Variants in SOX5 observed in about 807,000 individuals in gnomAD.
SOX5 encodes SRY-box transcription factor 5, also known as transcription factor SOX-5.
A neutral mutation model predicts 92.0 loss-of-function variants in SOX5; 9 were observed. The ratio of observed to expected loss-of-function variants is 0.10; its 90% CI spans 0.06 to 0.17. The LOEUF is 0.17. Among genes scored for constraint, SOX5 ranks in the 10% least tolerant of loss-of-function variants. The pLI is 1.00. For synonymous variants in SOX5, 344 were observed against 336.3 expected (o/e 1.02, Z -0.25); for missense variants, 642 against 944.5 (o/e 0.68, Z 4.20).
chr12:24,206,786 C>T (rs1333663406), intron 4 of SOX5, among the ~76,000 whole-genome samples: 1 of 152,222 alleles, frequency 6.6e-6, no homozygotes, highest in Non-Finnish European at 1.5e-5. Context: ...AACTACCCAG[C>T]AGAAGGTCAC....
intron 11 of SOX5, among the ~76,000 whole-genome samples, chr12:23,560,226 G>C (rs1351076492): frequency 6.6e-6 from 1 of 151,990 alleles, no homozygotes; most frequent in Non-Finnish European, 1.5e-5. Flanking sequence ...TATTACTTTA[G>C]ACAGAAAAAA....
intron 1 of SOX5, among the ~76,000 whole-genome samples, chr12:24,559,522 G>A (rs1369792304): frequency 4.0e-5 from 6 of 151,656 alleles, no homozygotes; most frequent in Admixed American, 3.9e-4. Context: ...CTCAGAAAAA[G>A]AACAGAGCTT....
intron 1 of SOX5, among the ~76,000 whole-genome samples, chr12:23,934,112 GA>G (rs1942018619): frequency 6.6e-6 from 1 of 151,358 alleles, no homozygotes; most frequent in Admixed American, 6.6e-5. Flanking sequence ...CAATGCCTCT[GA>G]ATTTTCTGTA....
In SOX5 at chr12:23,705,452, C is replaced by T. The variant is rs12299166; in HGVS notation, c.810+29232G>A. Among the ~76,000 whole-genome samples, 447 of 151,936 alleles carry T rather than the reference C, an allele frequency of 2.9e-3. 1 individual carries two copies. The highest frequency in any genetic ancestry group is 0.01 in the African/African-American group (424 of 41,466). On this transcript the variant is annotated intron_variant, in intron 6 of 14. Coordinates refer to ENST00000451604, the MANE Select transcript of SOX5 (RefSeq NM_006940.6). The stretch of plus-strand genomic sequence containing the variant: ...GAGGCTTTGTGCACACTAATCACAC[C>T]CTTTATCTTTCTAATGTTGAGGGGG...
intron 7 of SOX5, among the ~76,000 whole-genome samples, chr12:23,650,473 G>C (rs1239864859): frequency 6.6e-6 from 1 of 152,130 alleles, no homozygotes; most frequent in Non-Finnish European, 1.5e-5. Context: ...TTTCCAGGTA[G>C]AGGAGGCCTT....
At chr12:24,275,770 G>A (rs994562739) in intron 3 of SOX5, among the ~76,000 whole-genome samples, 6 of 152,060 alleles carry the variant, frequency 3.9e-5, no homozygotes, top group African/African-American at 1.4e-4. Flanking sequence ...AACATTTAAG[G>A]CTGTTTACAG....
At chr12:23,681,196 A>G (rs1427332756) in intron 6 of SOX5, among the ~76,000 whole-genome samples, 1 of 152,036 alleles carries the variant, frequency 6.6e-6, no homozygotes, top group East Asian at 1.9e-4. Context: ...GGAGCAATAC[A>G]GTATTCATTA....
chr12:23,605,698 C>G (rs2075162437), intron 8 of SOX5, among the ~76,000 whole-genome samples: 1 of 151,766 alleles, frequency 6.6e-6, no homozygotes. Context: ...TGATAAGCCA[C>G]AGATCCTGAT....
At chr12:24,413,046 C>A (rs901844432) in intron 1 of SOX5, among the ~76,000 whole-genome samples, 1 of 152,182 alleles carries the variant, frequency 6.6e-6, no homozygotes, top group East Asian at 1.9e-4. Flanking sequence ...TGAGCCATCG[C>A]GCCCGGCCTC....
chr12:23,914,617 A>G (rs1258191524), intron 1 of SOX5, among the ~76,000 whole-genome samples: 3 of 152,198 alleles, frequency 2.0e-5, no homozygotes, highest in Non-Finnish European at 4.4e-5. Flanking sequence ...GCAGTAAAGC[A>G]AAAGAGCTTA....
chr12:23,696,353 G>A (rs1014284992), intron 6 of SOX5, among the ~76,000 whole-genome samples: 3 of 152,122 alleles, frequency 2.0e-5, no homozygotes, highest in African/African-American at 7.2e-5. Context: ...AGCTTTGGTA[G>A]TCTGCCTTTC....
Position 23,976,406 on chromosome 12 carries a change from C to CAAAAA in SOX5, c.-1-80387_-1-80383dup, listed in dbSNP as rs869250917. ...GAACACTATTAAAAAAACAAAAAAACAAAAAAAAAAAAAAAAAAGAAGAGA... is the reference window on the plus strand; with the variant it reads ...GAACACTATTAAAAAAACAAAAAAACAAAAAAAAAAAAAAAAAAAAAAAGAAGAGA... On this transcript the variant is annotated intron_variant, in intron 4 of 4. Coordinates refer to the SOX5 transcript ENST00000446891. 1.7e-3 allele frequency among the ~76,000 whole-genome samples: 66 copies of CAAAAA among 37,770 alleles called. 1 individual carries two copies. The highest frequency in any genetic ancestry group is 3.5e-3 in the African/African-American group (40 of 11,386). 24.8% of individuals were successfully genotyped at this position (37,770 alleles called of 152,430 possible).
intron 4 of SOX5, among the ~76,000 whole-genome samples, chr12:23,983,105 A>ATTTTTTT (rs62869160): frequency 6.9e-6 from 1 of 145,146 alleles, no homozygotes; most frequent in Non-Finnish European, 1.5e-5. Context: ...TCTGGAGTCC[A>ATTTTTTT]TTTTTTTTTT....
In SOX5 at chr12:23,846,060, C is replaced by T. The variant is rs755080290; in HGVS notation, c.404G>A (p.Arg135His). 1.9e-6 allele frequency: 3 copies of T among 1,613,930 alleles called. No homozygotes were observed. The highest frequency in any genetic ancestry group is 2.5e-6 in the Non-Finnish European group (3 of 1,179,980). The change falls in exon 3 of 15, where the codon CGC (arginine) becomes CAC (histidine). Residue 135 changes from arginine to histidine, a missense_variant. Around this residue, in one of 8 missense-constraint regions of SOX5, gnomAD observed 29 missense variants for 47.4 expected, o/e 0.61. Coordinates refer to ENST00000451604, the MANE Select transcript of SOX5 (RefSeq NM_006940.6). ...SSTALGTPER[R>H]KGSLADVVDT... ...AACAACATCAGCTAAACTGCCCTTG[C>T]GCCGTTCAGGAGTTCCCAGGGCTGT...
At chr12:23,809,333 G>A in intron 3 of SOX5, among the ~76,000 whole-genome samples, 1 of 151,882 alleles carries the variant, frequency 6.6e-6, no homozygotes, top group East Asian at 1.9e-4. Context: ...TGAGTACCTT[G>A]TGCATATAAT....
intron 4 of SOX5, among the ~76,000 whole-genome samples, chr12:24,055,055 CA>C (rs59615409): frequency 0.19 from 28,892 of 148,400 alleles, 3,182 homozygotes; most frequent in Middle Eastern, 0.31. Context: ...CCAAAATTTT[CA>C]AAAAAAAATG....
chr12:24,414,212 T>C (rs1048429803), intron 1 of SOX5, among the ~76,000 whole-genome samples: 6 of 152,224 alleles, frequency 3.9e-5, no homozygotes, highest in African/African-American at 1.4e-4. Flanking sequence ...AGTATTATTA[T>C]TATCCTTGAG....
intron 1 of SOX5, among the ~76,000 whole-genome samples, chr12:24,480,085 A>T (rs1425801687): frequency 6.6e-6 from 1 of 152,224 alleles, no homozygotes; most frequent in African/African-American, 2.4e-5. Context: ...GGAACAGAAT[A>T]GAATACCCAG....
chr12:24,556,916 T>C (rs928860910), intron 1 of SOX5, among the ~76,000 whole-genome samples: 30 of 152,162 alleles, frequency 2.0e-4, no homozygotes, highest in African/African-American at 7.2e-4. Flanking sequence ...AAGTACAAAA[T>C]GAAACTTCAA....
Sources: allele counts gnomAD v4.1 joint callset (sites outside exome capture counted in the v4.1 genomes callset), GRCh38; gene constraint gnomAD v4.1.1; regional missense constraint gnomAD v4.1.1; transcripts MANE v1.5; gene names NCBI Gene and HGNC (gene_info 2026-07-23, HGNC 2026-07-21).